Variants in CAPRIN2 observed in about 807,000 individuals in gnomAD.
The protein encoded by CAPRIN2 is caprin family member 2.
A neutral mutation model predicts 130.4 loss-of-function variants in CAPRIN2; 66 were observed. The observed-to-expected ratio is 0.51, with a 90% CI of 0.42 to 0.62. The LOEUF (loss-of-function observed/expected upper bound fraction) is 0.62, where lower values mean the gene tolerates loss of function less well. Among genes scored for constraint, CAPRIN2 ranks in the 20% least tolerant of loss-of-function variants. The probability of loss-of-function intolerance (pLI) is 0.00; values close to 1 mark genes in which losing one functional copy is unlikely to be tolerated. For synonymous variants in CAPRIN2, 471 were observed against 444.1 expected (o/e 1.06, Z -0.76); for missense variants, 1,185 against 1,246.6 (o/e 0.95, Z 0.74).
intron 9 of CAPRIN2, among the ~76,000 whole-genome samples, chr12:30,725,516 A>G (rs1288181145): frequency 1.3e-5 from 2 of 152,226 alleles, no homozygotes; most frequent in Admixed American, 1.3e-4. Flanking sequence ...AACATATTGT[A>G]TAACACAATT....
chr12:30,729,067 C>T, exon 8 of CAPRIN2: 2 of 1,614,084 alleles, frequency 1.2e-6, no homozygotes, highest in East Asian at 2.2e-5. Context: ...TTCTGCTCTT[C>T]CGGCAGAGTA....
intron 9 of CAPRIN2, among the ~76,000 whole-genome samples, chr12:30,725,155 C>T (rs1162275770): frequency 6.6e-6 from 1 of 152,182 alleles, no homozygotes; most frequent in African/African-American, 2.4e-5. Flanking sequence ...TTATCTCAAC[C>T]ATTTACTAGC....
At chr12:30,735,018 G>A in exon 4 of CAPRIN2, 5 of 1,614,010 alleles carry the variant, frequency 3.1e-6, no homozygotes, top group Non-Finnish European at 4.2e-6. Flanking sequence ...ACTTAATGAG[G>A]TAGTCAAGTT....
intron 12 of CAPRIN2, among the ~76,000 whole-genome samples, chr12:30,718,299 G>T (rs2058304177): frequency 2.0e-5 from 3 of 152,194 alleles, no homozygotes; most frequent in African/African-American, 7.2e-5. Context: ...CTAGAAATAA[G>T]ATATTCTAAG....
chr12:30,732,471 T>C (rs924625671), intron 5 of CAPRIN2, among the ~76,000 whole-genome samples: 1 of 151,980 alleles, frequency 6.6e-6, no homozygotes, highest in African/African-American at 2.4e-5. Context: ...TTAACAGATA[T>C]TTAGTTGTGT....
At chr12:30,735,320 C>T in intron 3 of CAPRIN2, 114 bp from the exon 5 acceptor site, 1 of 802,402 alleles carries the variant, frequency 1.2e-6, no homozygotes, top group Admixed American at 2.1e-5. Context: ...AATCTCATGA[C>T]TGTCAAACTA....
At position 30,711,607 on chromosome 12, in the gene CAPRIN2, TTATA is replaced by T. The variant is rs1297810549; in HGVS notation, c.2620_2623del (p.Tyr874SerfsTer23). ...TGGACCACCAGATGTCCCTCCTCGC[TTATA>T]ACACTGCTGGAAATTATCCTAAAGT... On this transcript the variant is annotated frameshift_variant, in exon 16 of 17. Transcript: ENST00000298892. LOFTEE classifies it high-confidence loss of function. The T allele has an allele frequency of 6.2e-7, 1 of 1,613,770 alleles. No homozygotes were observed. The highest frequency in any genetic ancestry group is 8.5e-7 in the Non-Finnish European group (1 of 1,179,672).
At chr12:30,740,162 G>T (rs7958274) in intron 3 of CAPRIN2, among the ~76,000 whole-genome samples, 4 of 151,904 alleles carry the variant, frequency 2.6e-5, no homozygotes, top group African/African-American at 9.7e-5. Context: ...CCAGCATTTT[G>T]GGAGGCCAAG....
At position 30,745,658 on chromosome 12, in the gene CAPRIN2, T is replaced by C. The variant is rs57268360; in HGVS notation, c.484-4552A>G. Among the ~76,000 whole-genome samples, 269 of 151,912 alleles carry C rather than the reference T, an allele frequency of 1.8e-3. 1 individual carries two copies. The highest frequency in any genetic ancestry group is 6.3e-3 in the African/African-American group (259 of 41,430). ...AACTGAACCAGTGCTTGAAGGAAAA[T>C]TCAGTCTTCAAGAAATTTTAGAAAA... On this transcript the variant is annotated intron_variant, in intron 2 of 16. Transcript: ENST00000298892.
intron 16 of CAPRIN2, 81 bp downstream of exon 18, chr12:30,711,485 T>C (rs2054562420): frequency 8.8e-7 from 1 of 1,131,376 alleles, no homozygotes; most frequent in South Asian, 1.2e-5. Flanking sequence ...GCAATGTGCT[T>C]TGGAAAGAAC....
chr12:30,732,302 A>ATT (rs560521707), intron 5 of CAPRIN2, among the ~76,000 whole-genome samples: 2 of 152,026 alleles, frequency 1.3e-5, no homozygotes, highest in Non-Finnish European at 2.9e-5. Context: ...TCCGTACTTC[A>ATT]TTTTAGTCTA....
chr12:30,720,929 A>T lies in CAPRIN2; in HGVS notation c.2044-14T>A. On this transcript the variant is annotated splice_polypyrimidine_tract_variant and intron_variant, in intron 11 of 16. Coordinates refer to ENST00000298892, the Ensembl canonical transcript of CAPRIN2. The stretch of plus-strand genomic sequence containing the variant: ...AGAAGAAGTAGCCTAGACACAGGAA[A>T]ATACAAAATATTGTAAAAGGCACAT... 6.4e-7 allele frequency: 1 copy of T among 1,564,388 alleles called. No individual in the cohort carries two copies. Among genetic ancestry groups the T allele is most frequent in the Non-Finnish European group, 8.8e-7 (1 of 1,135,156 alleles).
In CAPRIN2 at chr12:30,713,894, TA is replaced by T; in HGVS notation, c.2501-10del. 7.0e-7 allele frequency: 1 copy of T among 1,435,820 alleles called. No homozygotes were observed. Among genetic ancestry groups the T allele is most frequent in the Non-Finnish European group, 9.8e-7 (1 of 1,020,860 alleles). 88.9% of individuals were successfully genotyped at this position (1,435,820 alleles called of 1,614,324 possible). A position where few individuals can be genotyped will look rare whatever the true frequency, so the allele number is the denominator to read the frequency against. On this transcript the variant is annotated splice_polypyrimidine_tract_variant and intron_variant, in intron 14 of 16. Transcript: ENST00000298892. The stretch of plus-strand genomic sequence containing the variant: ...TCTATAAGTATCAAAACCTAATAAA[TA>T]AACAAACTTACATAAGATTATGGAC...
At position 30,710,383 on chromosome 12, in the gene CAPRIN2, CG is replaced by C; in HGVS notation, c.2752del (p.Arg918ValfsTer3). Reference sequence around the variant, plus strand: ...TGGCACATCCACAGGGGTCATGCTACGGGAGTCTCCTTGTCCAGAGTCACCA... The same window carrying C: ...TGGCACATCCACAGGGGTCATGCTACGGAGTCTCCTTGTCCAGAGTCACCA... On this transcript the variant is annotated frameshift_variant, in exon 17 of 17. Transcript: ENST00000298892. LOFTEE classifies it high-confidence loss of function. This position sits in a 1 kb window ranked among gnomAD's most constrained non-coding sequence, Gnocchi z 4.8. 6.2e-7 allele frequency: 1 copy of C among 1,614,096 alleles called. No individual in the cohort carries two copies. The highest frequency in any genetic ancestry group is 8.5e-7 in the Non-Finnish European group (1 of 1,180,022).
exon 1 of CAPRIN2, chr12:30,753,619 G>A: frequency 6.2e-7 from 1 of 1,614,196 alleles, no homozygotes; most frequent in South Asian, 1.1e-5. Context: ...GCTGAAGGAG[G>A]TGGGGGAAAG....
In CAPRIN2 at chr12:30,716,688, A is replaced by G. The variant is rs780163021; in HGVS notation, c.2149-12T>C. 2 of 1,610,740 alleles carry G rather than the reference A, an allele frequency of 1.2e-6. No homozygotes were observed. The highest frequency in any genetic ancestry group is 1.7e-5 in the Admixed American group (1 of 59,508). On this transcript the variant is annotated splice_polypyrimidine_tract_variant and intron_variant, in intron 12 of 16. Coordinates refer to ENST00000298892, the Ensembl canonical transcript of CAPRIN2. Reference sequence around the variant, plus strand: ...TTAACGTTAAATACCTTAAAAGACAAGGACACACTGAGTCATTTGGGAAGT... The same window carrying G: ...TTAACGTTAAATACCTTAAAAGACAGGGACACACTGAGTCATTTGGGAAGT...
intron 11 of CAPRIN2, among the ~76,000 whole-genome samples, chr12:30,721,607 C>T (rs112466636): frequency 0.018 from 2,687 of 152,212 alleles, 67 homozygotes; most frequent in African/African-American, 0.062. Flanking sequence ...TCAAATACAG[C>T]AGAGAGACAC....
chr12:30,751,284 T>C (rs2073725963), intron 1 of CAPRIN2, 151 bp from the exon 3 acceptor site: 1 of 640,348 alleles, frequency 1.6e-6, no homozygotes, highest in African/African-American at 1.8e-5. Flanking sequence ...ATGCAGCAAC[T>C]GTAGATGAGT....
chr12:30,732,725 C>T (rs1017495117), intron 5 of CAPRIN2, among the ~76,000 whole-genome samples: 1 of 151,888 alleles, frequency 6.6e-6, no homozygotes, highest in South Asian at 2.1e-4. Context: ...TCAATAGTTC[C>T]GTCCCTTTTT....
Sources: allele counts gnomAD v4.1 joint callset (sites outside exome capture counted in the v4.1 genomes callset), GRCh38; gene constraint gnomAD v4.1.1; non-coding constraint Gnocchi (gnomAD v3.1); transcripts MANE v1.5; gene names NCBI Gene and HGNC (gene_info 2026-07-23, HGNC 2026-07-21).